Variants in SLC23A3 observed in about 807,000 individuals in gnomAD.
The protein encoded by SLC23A3 is solute carrier family 23 member 3.
SLC23A3 carries 41 observed loss-of-function variants against 64.7 expected under a neutral mutation model. That is an observed-to-expected ratio of 0.63 (90% CI 0.49 to 0.82). SLC23A3 has a LOEUF of 0.82. Ranked by LOEUF, SLC23A3 falls within the 40% of genes least tolerant of loss-of-function variation. The pLI, the probability that SLC23A3 is intolerant of heterozygous loss-of-function variation, is 0.00. For synonymous variants in SLC23A3, 281 were observed against 306.8 expected, an observed-to-expected ratio of 0.92 and a Z score of 0.88; for missense variants, 647 against 733.4, an observed-to-expected ratio of 0.88 and a Z score of 1.36.
chr2:219,163,602 G>A, intron 9 of SLC23A3, 47 bp from the exon 10 acceptor site: 1 of 1,565,874 alleles, frequency 6.4e-7, no homozygotes, highest in Non-Finnish European at 8.8e-7. Context: ...AGTCAAGGGG[G>A]CTCACATAGC....
intron 8 of SLC23A3, 53 bp downstream of exon 8, chr2:219,165,113 CCTT>C (rs1242673874): frequency 8.5e-6 from 13 of 1,530,404 alleles, no homozygotes; most frequent in East Asian, 2.5e-5. Flanking sequence ...AAGTTCCTGT[CCTT>C]CTTCTTCCCC....
chr2:219,166,922 A>G (rs578155126), intron 7 of SLC23A3, among the ~76,000 whole-genome samples: 5 of 152,300 alleles, frequency 3.3e-5, no homozygotes, highest in African/African-American at 1.2e-4. Flanking sequence ...TGACTCTTTA[A>G]TTAGTATCTG....
At chr2:219,166,721 G>A (rs545598350) in intron 7 of SLC23A3, among the ~76,000 whole-genome samples, 3 of 151,746 alleles carry the variant, frequency 2.0e-5, no homozygotes, top group Non-Finnish European at 4.4e-5. Context: ...GTTTTGTAGA[G>A]TGGAGTCTTG....
Position 219,169,973 on chromosome 2 carries a change from T to A in SLC23A3, c.12A>T (p.Ser4=). Residue 4 remains serine, a synonymous_variant, in exon 1 of 12, where the codon TCA becomes TCT. Coordinates refer to ENST00000409878, the MANE Select transcript of SLC23A3 (RefSeq NM_001144889.2). The surrounding 1 kb of genome is among the most constrained non-coding windows in gnomAD (Gnocchi z 4.5). ...ATCGGAGTTGGCTGGGATTGAGGGG[T>A]GATCGGCTCATGCTGCCTTGCCTTT... MSR[S]PLNPSQLRSV... is the part of the protein sequence containing the mutation. 6.2e-7 allele frequency: 1 copy of A among 1,613,760 alleles called. No individual in the cohort carries two copies. Among genetic ancestry groups the A allele is most frequent in the South Asian group, 1.1e-5 (1 of 91,060 alleles).
In SLC23A3 at chr2:219,164,230, C is replaced by T. The variant is rs200648268; in HGVS notation, c.1273+3G>A. The T allele has an allele frequency of 1.6e-5, 25 of 1,597,688 alleles. No homozygotes were observed. The highest frequency in any genetic ancestry group is 6.8e-5 in the Admixed American group (4 of 58,968). ...TACCAGCCCTGTTGATACATCCACT[C>T]ACCAACAACAGGCAGTGGGATGGTG... On this transcript the variant is annotated splice_donor_region_variant and intron_variant, in intron 9 of 11. Transcript: ENST00000409878.
In SLC23A3 at chr2:219,169,570, A is replaced by G; in HGVS notation, c.271T>C (p.Phe91Leu). 6.2e-7 allele frequency: 1 copy of G among 1,614,210 alleles called. No homozygotes were observed. The highest frequency in any genetic ancestry group is 8.5e-7 in the Non-Finnish European group (1 of 1,180,044). Residue 91 changes from phenylalanine (F) to leucine (L), a missense_variant, in exon 2 of 12, where the codon TTC becomes CTC. Physicochemically the swap from Phe to Leu is conservative, Grantham distance 22 (BLOSUM62 0). Coordinates refer to ENST00000409878, the MANE Select transcript of SLC23A3 (RefSeq NM_001144889.2). This position sits in a 1 kb window ranked among gnomAD's most constrained non-coding sequence, Gnocchi z 4.5. ...YSPSQLLASSFFSCGMSTILQ... is the reference protein window; with the variant it reads ...YSPSQLLASSLFSCGMSTILQ... ...ATGGTAGACATACCACATGAAAAGA[A>G]GCTGGAGGCCAGGAGCTGAGAAGGG...
Position 219,165,230 on chromosome 2 carries a change from A to C in SLC23A3, c.1106T>G (p.Leu369Arg). ...GGATGCAGTGCCCATGGGGCTTCCC[A>C]GCAGCCCGGCCAGCACACTGCCCAG... ...EGLGSVLAGL[L>R]GSPMGTASSF... Residue 369 changes from leucine (L) to arginine (R), a missense_variant, in exon 8 of 12, where the codon CTG becomes CGG. Coordinates refer to ENST00000409878, the MANE Select transcript of SLC23A3 (RefSeq NM_001144889.2). 6.4e-7 allele frequency: 1 copy of C among 1,551,688 alleles called. No individual in the cohort carries two copies. The highest frequency in any genetic ancestry group is 1.4e-5 in the African/African-American group (1 of 73,190).
At position 219,167,967 on chromosome 2, in the gene SLC23A3, G is replaced by A; in HGVS notation, c.876C>T (p.Ala292=). Residue 292 remains alanine, a synonymous_variant, in exon 7 of 12, where the codon GCC becomes GCT. Transcript: ENST00000409878. ...GCCAAATCCATGGTGCCTTGGTGGG[G>A]GCAGACAGTTCCTGGGGGATAACAC... ...GFSVIPQELS[A]PTKAPWIWLP... The A allele has an allele frequency of 6.3e-7, 1 of 1,585,812 alleles. No homozygotes were observed. Among genetic ancestry groups the A allele is most frequent in the Non-Finnish European group, 8.5e-7 (1 of 1,172,406 alleles).
Position 219,162,084 on chromosome 2 carries a change from A to T in SLC23A3, c.1658T>A (p.Ile553Asn). The T allele has an allele frequency of 3.7e-6, 6 of 1,614,148 alleles. No individual in the cohort carries two copies. Among genetic ancestry groups the T allele is most frequent in the Non-Finnish European group, 5.1e-6 (6 of 1,180,018 alleles). The change falls in exon 12 of 12, where the codon ATC becomes AAC. Residue 553 changes from isoleucine to asparagine, a missense_variant. Transcript: ENST00000409878. ...GGGGATGCAGGGACAGAGGTTTTGGATGGGGAAAGGAAGTCTGTACACTTG... is the reference window on the plus strand; with the variant it reads ...GGGGATGCAGGGACAGAGGTTTTGGTTGGGGAAAGGAAGTCTGTACACTTG... ...AAQVYRLPFPIQNLCPCIPQP... is the reference protein window; with the variant it reads ...AAQVYRLPFPNQNLCPCIPQP...
rs1574758885 is a variant in SLC23A3 at position 219,165,323 on chromosome 2, C to T, written c.1013G>A (p.Cys338Tyr). Residue 338 changes from cysteine (C) to tyrosine (Y), a missense_variant, in exon 8 of 12, where the codon TGT becomes TAT. Transcript: ENST00000409878. The part of the protein sequence containing the change: ...STSSLGCYAL[C>Y]GRLLHLPPPP... The stretch of plus-strand genomic sequence containing the variant: ...GGGAGGCAAATGCAGCAGCCGGCCA[C>T]ACAGGGCATAGCAGCCCAGGGAACT... 1 of 1,551,644 alleles carries T rather than the reference C, an allele frequency of 6.4e-7. No individual in the cohort carries two copies. Among genetic ancestry groups the T allele is most frequent in the Non-Finnish European group, 8.7e-7 (1 of 1,146,992 alleles).
chr2:219,161,789 C>T lies in SLC23A3; in HGVS notation c.*120G>A. ...CCTATTGGGAAATGGAACCTCTAGA[C>T]AGTCCCATGTAATACACACACACAT... On this transcript the variant is annotated 3_prime_UTR_variant, in exon 12 of 12. Coordinates refer to ENST00000409878, the MANE Select transcript of SLC23A3 (RefSeq NM_001144889.2). 2.6e-6 allele frequency: 3 copies of T among 1,132,106 alleles called. No individual in the cohort carries two copies. Among genetic ancestry groups the T allele is most frequent in the Non-Finnish European group, 3.7e-6 (3 of 802,146 alleles). 70.1% of individuals were successfully genotyped at this position (1,132,106 alleles called of 1,614,324 possible).
Position 219,168,740 on chromosome 2 carries a change from C to A in SLC23A3, c.586G>T (p.Val196Leu). Residue 196 changes from valine to leucine, a missense_variant, in exon 5 of 12, where the codon GTG becomes TTG. Coordinates refer to ENST00000409878, the MANE Select transcript of SLC23A3 (RefSeq NM_001144889.2). ...GHVFPHCGPL[V>L]LAPSLVVAGL... ...GCCACAACCAGGCTGGGAGCCAGCA[C>A]CAGGGGCCCACAGTGGGGGAACACG... 1 of 1,613,444 alleles carries A rather than the reference C, an allele frequency of 6.2e-7. No individual in the cohort carries two copies. The highest frequency in any genetic ancestry group is 1.1e-5 in the South Asian group (1 of 91,026).
chr2:219,164,076 T>G (rs750955899), intron 9 of SLC23A3, among the ~76,000 whole-genome samples, 157 bp downstream of exon 9: 1 of 152,322 alleles, frequency 6.6e-6, no homozygotes. Context: ...GCTGAGAAAT[T>G]GAGGCTGACA....
chr2:219,168,142 C>T, intron 6 of SLC23A3, 53 bp downstream of exon 6: 3 of 1,596,972 alleles, frequency 1.9e-6, no homozygotes, highest in Non-Finnish European at 2.6e-6. Context: ...ATGGAGTGAG[C>T]ACTCCAGGCC....
Position 219,169,517 on chromosome 2 carries a change from T to C in SLC23A3, c.320+4A>G, listed in dbSNP as rs1277845217. 7 of 1,614,014 alleles carry C rather than the reference T, an allele frequency of 4.3e-6. No individual in the cohort carries two copies. In the South Asian group the frequency reaches 7.7e-5, roughly 18 times the overall value. On this transcript the variant is annotated splice_donor_region_variant and intron_variant, in intron 2 of 11. Transcript: ENST00000409878. This position sits in a 1 kb window ranked among gnomAD's most constrained non-coding sequence, Gnocchi z 4.5. ...GCCCCTCTCTCCAGGGAGGTTCCTCTCACCTGCTGCCCATCCAAGTTTGCA... is the reference window on the plus strand; with the variant it reads ...GCCCCTCTCTCCAGGGAGGTTCCTCCCACCTGCTGCCCATCCAAGTTTGCA...
chr2:219,166,690 A>G (rs1156748210), intron 7 of SLC23A3, among the ~76,000 whole-genome samples: 1 of 152,080 alleles, frequency 6.6e-6, no homozygotes, highest in Non-Finnish European at 1.5e-5. Context: ...ATGTGCCACT[A>G]GGCCCAGCTA....
chr2:219,165,012 C>T, intron 8 of SLC23A3, 157 bp downstream of exon 8: 1 of 975,988 alleles, frequency 1.0e-6, no homozygotes, highest in Non-Finnish European at 1.5e-6. Context: ...TTCACTTCCC[C>T]ACTCTCTTAG....
intron 9 of SLC23A3, 45 bp downstream of exon 9, chr2:219,164,187 TG>T: frequency 7.4e-7 from 1 of 1,351,148 alleles, no homozygotes; most frequent in Non-Finnish European, 1.0e-6. Context: ...CAGGCCACAC[TG>T]GGGAGTAGCA....
intron 9 of SLC23A3, among the ~76,000 whole-genome samples, chr2:219,163,803 C>T (rs933392831): frequency 6.6e-6 from 1 of 151,962 alleles, no homozygotes; most frequent in Non-Finnish European, 1.5e-5. Context: ...CGGATTCAAG[C>T]GATTTCTCCT....
Sources: gnomAD v4.1 joint callset for allele counts (sites outside exome capture counted in the v4.1 genomes callset) on GRCh38, gnomAD v4.1.1 for gene constraint, Gnocchi (gnomAD v3.1) non-coding constraint, MANE v1.5 for transcripts, NCBI Gene and HGNC (gene_info 2026-07-23, HGNC 2026-07-21) for gene names.